Variants in ASTN2 observed in about 807,000 individuals in gnomAD.
ASTN2 encodes the protein astrotactin 2.
ASTN2 carries 54 observed loss-of-function variants against 139.8 expected under a neutral mutation model. The ratio of observed to expected loss-of-function variants is 0.39; its 90% CI spans 0.31 to 0.48. The LOEUF (loss-of-function observed/expected upper bound fraction) is 0.48, where lower values mean the gene tolerates loss of function less well. ASTN2 is among the 20% of genes least tolerant of loss of function. The pLI is 0.95. For missense variants in ASTN2, 1,565 were observed against 1,725.1 expected (o/e 0.91, Z 1.64); for synonymous variants, 756 against 719.5 (o/e 1.05, Z -0.81).
chr9:117,380,632 C>T (rs1448127679), intron 1 of ASTN2, among the ~76,000 whole-genome samples: 4 of 151,242 alleles, frequency 2.6e-5, no homozygotes, highest in African/African-American at 9.7e-5. Flanking sequence ...CTGCTCTGGT[C>T]AGGGGTGGGG....
At chr9:117,322,273 G>A (rs966076782) in intron 1 of ASTN2, among the ~76,000 whole-genome samples, 6 of 152,144 alleles carry the variant, frequency 3.9e-5, no homozygotes, top group African/African-American at 1.4e-4. Context: ...TGAGGGGAAG[G>A]TCTCTTCTTC....
intron 13 of ASTN2, among the ~76,000 whole-genome samples, chr9:116,770,364 C>T (rs1179664265): frequency 6.6e-6 from 1 of 152,130 alleles, no homozygotes; most frequent in Non-Finnish European, 1.5e-5. Context: ...TTCTACAGGA[C>T]AATGATTATA....
intron 22 of ASTN2, among the ~76,000 whole-genome samples, chr9:116,427,541 C>T (rs1043213413): frequency 7.2e-5 from 11 of 152,258 alleles, no homozygotes; most frequent in African/African-American, 2.7e-4. Context: ...TGGGAGGCTA[C>T]ATGAGAGGTT....
intron 1 of ASTN2, among the ~76,000 whole-genome samples, chr9:117,375,177 T>C (rs1483942339): frequency 6.6e-6 from 1 of 152,244 alleles, no homozygotes; most frequent in Non-Finnish European, 1.5e-5. Context: ...GGAAGAGTCC[T>C]TGGCCTGCCC....
intron 3 of ASTN2, among the ~76,000 whole-genome samples, chr9:117,146,487 A>C (rs1213129319): frequency 6.6e-6 from 1 of 151,950 alleles, no homozygotes; most frequent in Admixed American, 6.6e-5. Flanking sequence ...AAAAAAAAAA[A>C]AAAACAAGAA....
chr9:116,573,731 T>C (rs1853615196), intron 19 of ASTN2, among the ~76,000 whole-genome samples: 1 of 152,220 alleles, frequency 6.6e-6, no homozygotes, highest in African/African-American at 2.4e-5. Flanking sequence ...AAATGACAGA[T>C]GAGAAGAGAG....
chr9:117,340,494 G>C (rs932024353), intron 1 of ASTN2, among the ~76,000 whole-genome samples: 1 of 151,954 alleles, frequency 6.6e-6, no homozygotes, highest in Non-Finnish European at 1.5e-5. Flanking sequence ...ATACATCAAG[G>C]GCTCAATAAT....
chr9:117,193,307 C>T (rs1831397627), intron 3 of ASTN2, among the ~76,000 whole-genome samples: 1 of 152,024 alleles, frequency 6.6e-6, no homozygotes, highest in Non-Finnish European at 1.5e-5. Flanking sequence ...AGGAAAGAGG[C>T]AGTTTGGTAT....
chr9:117,293,461 C>A (rs1390230819), intron 1 of ASTN2, among the ~76,000 whole-genome samples: 1 of 152,134 alleles, frequency 6.6e-6, no homozygotes, highest in African/African-American at 2.4e-5. Context: ...TTAGGCCAAG[C>A]AAACACATGC....
chr9:117,270,427 A>T (rs1834036360), intron 2 of ASTN2, among the ~76,000 whole-genome samples: 1 of 152,162 alleles, frequency 6.6e-6, no homozygotes. Flanking sequence ...ATATAAGTGG[A>T]ATCATAAAGT....
At chr9:117,011,728 A>G (rs1237370527) in intron 6 of ASTN2, among the ~76,000 whole-genome samples, 1 of 152,190 alleles carries the variant, frequency 6.6e-6, no homozygotes, top group Non-Finnish European at 1.5e-5. Context: ...GCCTTTCAGG[A>G]TAGGTATTTC....
At chr9:117,025,170 A>G (rs1428134788) in intron 6 of ASTN2, among the ~76,000 whole-genome samples, 1 of 152,172 alleles carries the variant, frequency 6.6e-6, no homozygotes, top group Non-Finnish European at 1.5e-5. Flanking sequence ...CAAAGAAACA[A>G]AACAGAGTCT....
At chr9:117,341,256 CG>C (rs1829053599) in intron 1 of ASTN2, among the ~76,000 whole-genome samples, 1 of 152,002 alleles carries the variant, frequency 6.6e-6, no homozygotes, top group South Asian at 2.1e-4. Context: ...TGAATCAAAT[CG>C]TTTTTTTTCC....
chr9:117,076,264 G>A (rs1828278023), intron 5 of ASTN2, among the ~76,000 whole-genome samples: 1 of 152,232 alleles, frequency 6.6e-6, no homozygotes, highest in African/African-American at 2.4e-5. Flanking sequence ...AGATGTCACT[G>A]TTGAGGGTGA....
At chr9:117,086,023 T>G (rs1362261307) in intron 5 of ASTN2, among the ~76,000 whole-genome samples, 3 of 152,304 alleles carry the variant, frequency 2.0e-5, no homozygotes, top group Non-Finnish European at 2.9e-5. Context: ...TCTCCTGGTA[T>G]TGTTTAGAAT....
chr9:116,734,115 A>G (rs754183788), intron 13 of ASTN2, among the ~76,000 whole-genome samples: 14 of 152,130 alleles, frequency 9.2e-5, no homozygotes, highest in Non-Finnish European at 1.9e-4. Flanking sequence ...AGATGGGGAA[A>G]CTGAGGCCTG....
At chr9:117,331,559 A>G (rs921800957) in intron 1 of ASTN2, among the ~76,000 whole-genome samples, 3 of 152,212 alleles carry the variant, frequency 2.0e-5, no homozygotes, top group Non-Finnish European at 2.9e-5. Flanking sequence ...CTATCCACCA[A>G]TGATACAAAA....
intron 18 of ASTN2, among the ~76,000 whole-genome samples, chr9:116,619,931 T>C (rs1337256239): frequency 6.6e-6 from 1 of 152,114 alleles, no homozygotes; most frequent in Non-Finnish European, 1.5e-5. Context: ...GCCAATCTTG[T>C]TTCGTAGAAG....
At chr9:116,943,725 G>A (rs982157842) in intron 10 of ASTN2, among the ~76,000 whole-genome samples, 13 of 152,072 alleles carry the variant, frequency 8.5e-5, no homozygotes, top group Non-Finnish European at 1.6e-4. Context: ...CTCAACTCTG[G>A]GCAGTGTCTT....
Sources: allele counts gnomAD v4.1 joint callset (sites outside exome capture counted in the v4.1 genomes callset), GRCh38; gene constraint gnomAD v4.1.1; transcripts MANE v1.5; gene names NCBI Gene and HGNC (gene_info 2026-07-23, HGNC 2026-07-21).